Variants in MAST4 observed in about 807,000 individuals in gnomAD.
The protein encoded by MAST4 is microtubule-associated serine/threonine-protein kinase 4.
A neutral mutation model predicts 162.7 loss-of-function variants in MAST4; 89 were observed. The observed-to-expected ratio is 0.55, with a 90% CI of 0.46 to 0.65. MAST4 has a LOEUF of 0.65. Among genes scored for constraint, MAST4 ranks in the 30% least tolerant of loss-of-function variants. The probability of loss-of-function intolerance (pLI) is 0.00; values close to 1 mark genes in which losing one functional copy is unlikely to be tolerated. For synonymous variants in MAST4, 1,479 were observed against 1,361.1 expected, an observed-to-expected ratio of 1.09 and a Z score of -1.91; for missense variants, 3,153 against 3,374.0, an observed-to-expected ratio of 0.93 and a Z score of 1.62.
chr5:67,145,027 T>C, intron 22 of MAST4, 117 bp from the exon 23 acceptor site: 1 of 943,662 alleles, frequency 1.1e-6, no homozygotes, highest in Non-Finnish European at 1.6e-6. Context: ...ACCATTGCAC[T>C]AGACATCTCT....
At chr5:66,931,376 G>T (rs2150074693) in intron 4 of MAST4, among the ~76,000 whole-genome samples, 1 of 151,796 alleles carries the variant, frequency 6.6e-6, no homozygotes, top group African/African-American at 2.4e-5. Flanking sequence ...TATTTTTCTT[G>T]TTGCTTATCA....
intron 1 of MAST4, among the ~76,000 whole-genome samples, chr5:66,709,247 G>A (rs553604129): frequency 3.8e-4 from 58 of 152,006 alleles, no homozygotes; most frequent in Non-Finnish European, 6.9e-4. Flanking sequence ...AAAAAATTCT[G>A]AAGCTTAAAA....
chr5:66,679,306 T>C (rs1332312288), intron 1 of MAST4, among the ~76,000 whole-genome samples: 2 of 152,144 alleles, frequency 1.3e-5, no homozygotes, highest in East Asian at 1.9e-4. Flanking sequence ...ATGTAGAAGA[T>C]AGAATTGGCC....
intron 4 of MAST4, among the ~76,000 whole-genome samples, chr5:66,972,635 T>C (rs538085719): frequency 6.6e-5 from 10 of 152,320 alleles, no homozygotes; most frequent in African/African-American, 2.4e-4. Flanking sequence ...TATCCCACCT[T>C]AGTCTGAGCC....
In MAST4 at chr5:67,164,624, C is replaced by T. The variant is rs1389943792; in HGVS notation, c.5445C>T (p.Ala1815=). ...LDIALLSGPQ[A]SKTELPSPES... The stretch of plus-strand genomic sequence containing the variant: ...TTGCTCTCCTGTCCGGACCTCAGGC[C>T]TCCAAGACAGAACTGCCTTCCCCAG... The change falls in exon 29 of 29, where the codon GCC becomes GCT. Residue 1815 remains alanine, a synonymous_variant. Transcript: ENST00000403625. This position sits in a 1 kb window ranked among gnomAD's most constrained non-coding sequence, Gnocchi z 5.3. 6.2e-7 allele frequency: 1 copy of T among 1,614,006 alleles called. No homozygotes were observed.
At chr5:66,831,091 A>C (rs941159356) in intron 3 of MAST4, among the ~76,000 whole-genome samples, 3 of 152,222 alleles carry the variant, frequency 2.0e-5, no homozygotes, top group Non-Finnish European at 2.9e-5. Flanking sequence ...GTTAAGGGTC[A>C]TATAATAAAT....
At chr5:67,153,682 C>T in intron 26 of MAST4, 102 bp downstream of exon 26, 1 of 1,112,548 alleles carries the variant, frequency 9.0e-7, no homozygotes, top group Admixed American at 3.6e-5. Context: ...TGTCTGATTA[C>T]TGAGAAAGTA....
intron 26 of MAST4, among the ~76,000 whole-genome samples, chr5:67,156,198 T>A (rs188550056): frequency 9.1e-4 from 139 of 152,134 alleles, no homozygotes; most frequent in African/African-American, 3.3e-3. Context: ...GTGGGTGCTA[T>A]AAATATAAAT....
intron 3 of MAST4, among the ~76,000 whole-genome samples, chr5:66,898,857 C>T (rs1290707669): frequency 6.6e-6 from 1 of 152,164 alleles, no homozygotes; most frequent in Non-Finnish European, 1.5e-5. Context: ...GCTCTCACTG[C>T]CACTTTCTGT....
At chr5:66,743,891 T>C (rs2149578098) in intron 1 of MAST4, among the ~76,000 whole-genome samples, 1 of 152,236 alleles carries the variant, frequency 6.6e-6, no homozygotes, top group South Asian at 2.1e-4. Context: ...AGATGATTGG[T>C]CTTTGGTTCT....
chr5:66,975,359 G>A (rs905117248), intron 4 of MAST4, among the ~76,000 whole-genome samples: 7 of 152,306 alleles, frequency 4.6e-5, no homozygotes, highest in African/African-American at 1.4e-4. Flanking sequence ...CTGGGACCCT[G>A]AAATGACAAA....
intron 1 of MAST4, among the ~76,000 whole-genome samples, chr5:66,659,745 A>G (rs1746784623): frequency 6.6e-6 from 1 of 152,262 alleles, no homozygotes; most frequent in Non-Finnish European, 1.5e-5. Flanking sequence ...GGCAGCTTAC[A>G]GCCAAACAAG....
intron 1 of MAST4, among the ~76,000 whole-genome samples, chr5:66,726,118 A>T (rs1269755502): frequency 1.3e-5 from 2 of 151,998 alleles, no homozygotes; most frequent in African/African-American, 4.8e-5. Flanking sequence ...GGAGCTAGGA[A>T]AGGGGTGGGG....
intron 2 of MAST4, among the ~76,000 whole-genome samples, chr5:66,763,297 T>C (rs1753935854): frequency 6.6e-6 from 1 of 152,200 alleles, no homozygotes; most frequent in East Asian, 1.9e-4. Flanking sequence ...AGTTAAAATT[T>C]GTGGTTGGCT....
intron 2 of MAST4, among the ~76,000 whole-genome samples, chr5:66,760,536 A>G (rs150369517): frequency 3.6e-4 from 55 of 152,220 alleles, no homozygotes; most frequent in African/African-American, 1.3e-3. Context: ...CCCACCCTCT[A>G]CTTCCACCCT....
chr5:67,032,000 C>T (rs370227132), intron 4 of MAST4, among the ~76,000 whole-genome samples: 2 of 152,138 alleles, frequency 1.3e-5, no homozygotes, highest in African/African-American at 2.4e-5. Flanking sequence ...CTGTCACTTG[C>T]GTTGAAGGGG....
rs755832956 is a variant in MAST4 at position 67,168,807 on chromosome 5, A to G, written c.*1756A>G. ...GGATTGTAAATCTTCTAGTGAGGCT[A>G]TAAACTCCACTCTGAAAACAAAGGC... On this transcript the variant is annotated 3_prime_UTR_variant, in exon 29 of 29. Transcript: ENST00000403625. The G allele has an allele frequency of 1.3e-5, 2 of 152,208 alleles. No individual in the cohort carries two copies. Among genetic ancestry groups the G allele is most frequent in the Non-Finnish European group, 1.5e-5 (1 of 68,026 alleles). The allele number at this position is 152,208 out of a possible 1,614,324, so 9.4% of individuals were successfully genotyped here.
At chr5:66,638,146 A>C (rs1009792071) in intron 1 of MAST4, among the ~76,000 whole-genome samples, 1 of 152,206 alleles carries the variant, frequency 6.6e-6, no homozygotes, top group African/African-American at 2.4e-5. Context: ...TTACTCTTAC[A>C]CTTGTGGCAG....
rs138340555 is a variant in MAST4 at position 67,040,501 on chromosome 5, A to G, written c.675-13903A>G. Among the ~76,000 whole-genome samples the G allele has an allele frequency of 1.9e-3, 284 of 152,266 alleles. 6 individuals are homozygous for G. Among genetic ancestry groups the G allele is most frequent in the South Asian group, 0.014 (69 of 4,822 alleles). ...CCATGAGCCTGAAAAATCTGTACAC[A>G]AGTGTATCCTGGGATAAAACTCATG... On this transcript the variant is annotated intron_variant, in intron 4 of 28. Coordinates refer to ENST00000403625, the MANE Select transcript of MAST4 (RefSeq NM_001164664.2).
Sources: allele counts gnomAD v4.1 joint callset (sites outside exome capture counted in the v4.1 genomes callset), GRCh38; gene constraint gnomAD v4.1.1; non-coding constraint Gnocchi (gnomAD v3.1); transcripts MANE v1.5; gene names NCBI Gene and HGNC (gene_info 2026-07-23, HGNC 2026-07-21).